Variants in CCDC18 observed in about 807,000 individuals in gnomAD.
The protein encoded by CCDC18 is coiled-coil domain containing 18, also known as coiled-coil domain-containing protein 18.
A neutral mutation model predicts 196.0 loss-of-function variants in CCDC18; 157 were observed. The observed-to-expected ratio is 0.80, with a 90% CI of 0.70 to 0.91. The LOEUF (loss-of-function observed/expected upper bound fraction) is 0.91, where lower values mean the gene tolerates loss of function less well. Ranked by LOEUF, CCDC18 falls within the 40% of genes least tolerant of loss-of-function variation. CCDC18 has a pLI of 0.00. For synonymous variants in CCDC18, 482 were observed against 529.2 expected (o/e 0.91, Z 1.22); for missense variants, 1,465 against 1,611.6 (o/e 0.91, Z 1.56).
chr1:93,180,630 C>T (rs749127982), upstream of CCDC18: 1 of 1,334,504 alleles, frequency 7.5e-7, no homozygotes, highest in Non-Finnish European at 9.9e-7. Context: ...CGACCACGAT[C>T]CCCGGCAAGC....
At chr1:93,250,089 T>C (rs539623980) in intron 23 of CCDC18, among the ~76,000 whole-genome samples, 8 of 152,282 alleles carry the variant, frequency 5.3e-5, no homozygotes, top group African/African-American at 1.9e-4. Context: ...ATATATTTGA[T>C]AGGATTTCTA....
chr1:93,198,757 C>T (rs937031806), intron 6 of CCDC18, among the ~76,000 whole-genome samples: 1 of 152,060 alleles, frequency 6.6e-6, no homozygotes, highest in African/African-American at 2.4e-5. Flanking sequence ...AAGTGATCCT[C>T]CCACTTCAGG....
At chr1:93,209,240 G>A (rs908624490) in intron 9 of CCDC18, among the ~76,000 whole-genome samples, 1 of 152,222 alleles carries the variant, frequency 6.6e-6, no homozygotes, top group Non-Finnish European at 1.5e-5. Context: ...TTACAGGCAT[G>A]AGCCACCACG....
At chr1:93,231,225 A>C (rs572931268) in intron 17 of CCDC18, among the ~76,000 whole-genome samples, 1 of 152,334 alleles carries the variant, frequency 6.6e-6, no homozygotes, top group East Asian at 1.9e-4. Context: ...AATGATATTT[A>C]CTGGAAAGAT....
At chr1:93,223,439 T>C (rs997229169) in intron 16 of CCDC18, among the ~76,000 whole-genome samples, 1 of 152,170 alleles carries the variant, frequency 6.6e-6, no homozygotes, top group African/African-American at 2.4e-5. Context: ...TCTCTCCTGA[T>C]TATGTCATTA....
intron 27 of CCDC18, chr1:93,269,652 A>G (rs1211227306): frequency 6.6e-6 from 1 of 152,146 alleles, no homozygotes; most frequent in African/African-American, 2.4e-5. Flanking sequence ...GAAAAGGCAA[A>G]TGTATTTGAA....
At chr1:93,252,040 T>C (rs1297480920) in intron 23 of CCDC18, among the ~76,000 whole-genome samples, 3 of 151,782 alleles carry the variant, frequency 2.0e-5, no homozygotes, top group East Asian at 3.9e-4. Context: ...TATCTATCTA[T>C]CAAACTAATT....
At position 93,217,950 on chromosome 1, in the gene CCDC18, G is replaced by A. The variant is rs531418318; in HGVS notation, c.1962+81G>A. On this transcript the variant is annotated intron_variant, in intron 14 of 28. Coordinates refer to ENST00000690025, the MANE Select transcript of CCDC18 (RefSeq NM_001378204.1). The stretch of plus-strand genomic sequence containing the variant: ...CCCCAGCATTTTTTATTTTGTAGAC[G>A]AGGACACAAAGATACACAAAAGTTA... The A allele has an allele frequency of 3.0e-4, 356 of 1,192,692 alleles. 2 individuals carry two copies. The highest frequency in any genetic ancestry group is 1.2e-4 in the East Asian group (5 of 42,382). 73.9% of individuals were successfully genotyped at this position (1,192,692 alleles called of 1,614,324 possible). A position where few individuals can be genotyped will look rare whatever the true frequency, so the allele number is the denominator to read the frequency against.
intron 27 of CCDC18, among the ~76,000 whole-genome samples, chr1:93,266,590 A>G (rs1242961312): frequency 6.6e-6 from 1 of 152,218 alleles, no homozygotes; most frequent in African/African-American, 2.4e-5. Context: ...AAATAGAGGC[A>G]ATAAAAAATG....
rs560184573 is a variant in CCDC18 at position 93,276,326 on chromosome 1, C to A, written c.4354-2137C>A. 2.6e-5 allele frequency among the ~76,000 whole-genome samples: 4 copies of A among 152,230 alleles called. No homozygotes were observed. In the South Asian group the frequency reaches 6.2e-4, roughly 24 times the overall value. On this transcript the variant is annotated intron_variant, in intron 28 of 28. Coordinates refer to ENST00000690025, the MANE Select transcript of CCDC18 (RefSeq NM_001378204.1). ...TCAGACTAACAAAAGCTTCAGAACT[C>A]AAAAAATTACACCTGTACACAATTT...
intron 17 of CCDC18, among the ~76,000 whole-genome samples, chr1:93,231,826 G>C (rs1659285079): frequency 6.6e-6 from 1 of 152,144 alleles, no homozygotes; most frequent in South Asian, 2.1e-4. Context: ...ATAAACAACA[G>C]CAATAATAGC....
rs1367986476 is a variant in CCDC18, at chr1:93,270,714, A to G, written c.4253A>G (p.Asn1418Ser). The G allele has an allele frequency of 6.5e-7, 1 of 1,550,374 alleles. No homozygotes were observed. Among genetic ancestry groups the G allele is most frequent in the East Asian group, 2.4e-5 (1 of 40,882 alleles). ...AACCTAGAAGCTGATAGTTCTGAGA[A>G]TAATGACTTTAACACGCTTAGTGGG... ...TYNLEADSSE[N>S]NDFNTLSGML... Residue 1418 changes from asparagine (N) to serine (S), a missense_variant, in exon 28 of 29, where the codon AAT (asparagine) becomes AGT (serine). Transcript: ENST00000690025.
chr1:93,186,586 C>T, intron 4 of CCDC18, 83 bp downstream of exon 4: 1 of 1,094,004 alleles, frequency 9.1e-7, no homozygotes, highest in Non-Finnish European at 1.3e-6. Context: ...CTTGTATTGC[C>T]ACATTGCCTT....
intron 24 of CCDC18, 113 bp from the exon 25 acceptor site, chr1:93,256,222 T>A: frequency 1.2e-6 from 1 of 825,664 alleles, no homozygotes; most frequent in East Asian, 2.6e-5. Context: ...ACTCATTGTA[T>A]GTTAAAGGAT....
At position 93,249,716 on chromosome 1, in the gene CCDC18, T is replaced by C. The variant is rs557286676; in HGVS notation, c.3198+2762T>C. Among the ~76,000 whole-genome samples the C allele has an allele frequency of 2.0e-5, 3 of 152,232 alleles. No individual in the cohort carries two copies. In the South Asian group the frequency reaches 6.2e-4, roughly 32 times the overall value. ...ATCAAATTTTTAAAGGTAGAAATCCTATCAAATATATTCTCAATGCAATTC... is the reference window on the plus strand; with the variant it reads ...ATCAAATTTTTAAAGGTAGAAATCCCATCAAATATATTCTCAATGCAATTC... On this transcript the variant is annotated intron_variant, in intron 23 of 28. Coordinates refer to ENST00000690025, the MANE Select transcript of CCDC18 (RefSeq NM_001378204.1).
chr1:93,222,928 TTC>T (rs1570430535), intron 16 of CCDC18, among the ~76,000 whole-genome samples: 2 of 152,312 alleles, frequency 1.3e-5, no homozygotes, highest in South Asian at 4.1e-4. Flanking sequence ...TTTTTCCCTA[TTC>T]TGTTTTTAAT....
rs1460055592 is a variant in CCDC18 at position 93,232,569 on chromosome 1, T to C, written c.2436T>C (p.Asp812=). Residue 812 remains aspartate, a synonymous_variant, in exon 18 of 29, where the codon GAT becomes GAC. Coordinates refer to ENST00000690025, the MANE Select transcript of CCDC18 (RefSeq NM_001378204.1). ...QETIRNGELE[D]TQTKLEKQVS... ...CAATTAGAAATGGAGAGCTAGAAGA[T>C]ACTCAAACTAAACTTGAAAAACAGG... The C allele has an allele frequency of 6.2e-7, 1 of 1,605,090 alleles. No homozygotes were observed.
chr1:93,221,909 G>T lies in CCDC18; in HGVS notation c.2148G>T (p.Gln716His). The change falls in exon 16 of 29, where the codon CAG (glutamine) becomes CAT (histidine). Residue 716 changes from glutamine (Q) to histidine (H), a missense_variant. Gln to His is a conservative substitution (Grantham distance 24). Coordinates refer to ENST00000690025, the MANE Select transcript of CCDC18 (RefSeq NM_001378204.1). ...MKKDEALKAL[Q>H]NQVSEETIKV... ...AAGATGAAGCTTTAAAAGCATTACA[G>T]AACCAAGTATCTGAAGAAACAATCA... The T allele has an allele frequency of 6.3e-7, 1 of 1,593,618 alleles. No individual in the cohort carries two copies. The highest frequency in any genetic ancestry group is 8.6e-7 in the Non-Finnish European group (1 of 1,168,392).
chr1:93,198,689 C>G (rs747998347), intron 6 of CCDC18, among the ~76,000 whole-genome samples: 7 of 151,786 alleles, frequency 4.6e-5, no homozygotes, highest in Non-Finnish European at 8.8e-5. Context: ...GCTTTGTTAC[C>G]CAGGCTGGAG....
Sources: allele counts gnomAD v4.1 joint callset (sites outside exome capture counted in the v4.1 genomes callset), GRCh38; gene constraint gnomAD v4.1.1; transcripts MANE v1.5; gene names NCBI Gene and HGNC (gene_info 2026-07-23, HGNC 2026-07-21).